Variants in C2CD3 observed in about 807,000 individuals in gnomAD.
C2CD3 encodes the protein C2 domain containing 3 centriole elongation regulator.
In C2CD3, 148 loss-of-function variants were observed where a neutral mutation model predicts 234.0. The ratio of observed to expected loss-of-function variants is 0.63; its 90% CI spans 0.55 to 0.72. The LOEUF is 0.72. Ranked by LOEUF, C2CD3 falls within the 30% of genes least tolerant of loss-of-function variation. The pLI, the probability that C2CD3 is intolerant of heterozygous loss-of-function variation, is 0.00. For missense variants in C2CD3, 2,577 were observed against 2,811.5 expected (o/e 0.92, Z 1.89); for synonymous variants, 1,000 against 1,035.4 (o/e 0.97, Z 0.66).
At chr11:74,128,460 A>G (rs1032120139) in intron 7 of C2CD3, 1 of 152,164 alleles carries the variant, frequency 6.6e-6, no homozygotes, top group African/African-American at 2.4e-5. Flanking sequence ...CCCAAATTCA[A>G]GGTCACAGAT....
At chr11:74,154,250 AGATC>A (rs1022597067) in intron 3 of C2CD3, among the ~76,000 whole-genome samples, 1 of 152,112 alleles carries the variant, frequency 6.6e-6, no homozygotes, top group African/African-American at 2.4e-5. Context: ...AATAAAGGTA[AGATC>A]GATAAACCTG....
chr11:74,117,119 T>C lies in C2CD3; in HGVS notation c.1520+1109A>G, dbSNP rs991829736. ...ATATATGAATATATATATATGAATA[T>C]ATATATATGAATATATATATATGAA... On this transcript the variant is annotated intron_variant, in intron 9 of 32. Coordinates refer to ENST00000334126, the MANE Select transcript of C2CD3 (RefSeq NM_001286577.2). Among the ~76,000 whole-genome samples the C allele has an allele frequency of 5.5e-3, 296 of 53,862 alleles. 2 individuals carry two copies. Among genetic ancestry groups the C allele is most frequent in the Middle Eastern group, 0.014 (1 of 72 alleles). The allele number at this position is 53,862 out of a possible 152,430, so 35.3% of individuals were successfully genotyped here.
chr11:74,099,173 C>T (rs117840304), intron 15 of C2CD3, among the ~76,000 whole-genome samples: 33 of 152,326 alleles, frequency 2.2e-4, no homozygotes, highest in Non-Finnish European at 4.0e-4. Context: ...CAGCCTACAG[C>T]AGACAGTGGC....
intron 3 of C2CD3, among the ~76,000 whole-genome samples, chr11:74,156,133 G>T (rs768726688): frequency 3.3e-5 from 5 of 152,094 alleles, no homozygotes; most frequent in Non-Finnish European, 7.4e-5. Context: ...AATTAGCTGG[G>T]CATGGTGGTG....
intron 7 of C2CD3, among the ~76,000 whole-genome samples, chr11:74,124,973 G>A (rs992630347): frequency 6.6e-6 from 1 of 152,036 alleles, no homozygotes; most frequent in Admixed American, 6.6e-5. Context: ...CATAAAATAA[G>A]CCTATTCTCA....
chr11:74,102,902 G>C (rs1483282835), intron 14 of C2CD3, among the ~76,000 whole-genome samples: 2 of 152,152 alleles, frequency 1.3e-5, no homozygotes, highest in Admixed American at 6.5e-5. Context: ...AAGAAACAGT[G>C]AGAAACCATG....
At chr11:74,161,647 T>C in intron 2 of C2CD3, 91 bp from the exon 3 acceptor site, 5 of 765,140 alleles carry the variant, frequency 6.5e-6, no homozygotes, top group Non-Finnish European at 1.0e-5. Context: ...CGGAAAAGCT[T>C]TCTAACTTGA....
At chr11:74,154,048 C>T (rs555989155) in intron 3 of C2CD3, among the ~76,000 whole-genome samples, 68 of 151,986 alleles carry the variant, frequency 4.5e-4, no homozygotes, top group African/African-American at 1.6e-3. Flanking sequence ...TTTCACACTA[C>T]AGTATACCCC....
At chr11:74,106,600 G>T in intron 12 of C2CD3, 107 bp from the exon 13 acceptor site, 1 of 1,061,492 alleles carries the variant, frequency 9.4e-7, no homozygotes. Context: ...CATTCAGGAA[G>T]AAAAAAGCTT....
At chr11:74,054,715 T>C (rs1180178612) in intron 25 of C2CD3, 44 bp from the exon 26 acceptor site, 1 of 1,314,984 alleles carries the variant, frequency 7.6e-7, no homozygotes. Flanking sequence ...TATAGGAACT[T>C]TCTGTAGTAT....
At chr11:74,085,967 T>A in intron 20 of C2CD3, 81 bp from the exon 21 acceptor site, 2 of 1,361,730 alleles carry the variant, frequency 1.5e-6, no homozygotes, top group Non-Finnish European at 9.9e-7. Flanking sequence ...ATAACTTCAT[T>A]ACTTCTATGA....
At chr11:74,057,322 G>C (rs1954002586) in intron 25 of C2CD3, 84 bp downstream of exon 25, 4 of 1,419,078 alleles carry the variant, frequency 2.8e-6, no homozygotes, top group African/African-American at 1.4e-5. Context: ...CAAAAATTGT[G>C]TTGGTTATAG....
At chr11:74,088,759 T>C (rs186662103) in intron 20 of C2CD3, among the ~76,000 whole-genome samples, 6 of 152,364 alleles carry the variant, frequency 3.9e-5, no homozygotes, top group Non-Finnish European at 7.3e-5. Flanking sequence ...ACAAGTTTCA[T>C]GCCTCCCTGC....
intron 4 of C2CD3, 64 bp from the exon 5 acceptor site, chr11:74,139,031 TCAGAGA>T: frequency 7.1e-7 from 1 of 1,413,990 alleles, no homozygotes; most frequent in South Asian, 1.3e-5. Flanking sequence ...TTCTATTTTG[TCAGAGA>T]CAGAAAGTAG....
intron 22 of C2CD3, among the ~76,000 whole-genome samples, chr11:74,082,738 C>T (rs1955446515): frequency 1.3e-5 from 2 of 152,106 alleles, no homozygotes; most frequent in African/African-American, 4.8e-5. Flanking sequence ...TTACAAGGGA[C>T]ATGAAGGACC....
intron 9 of C2CD3, among the ~76,000 whole-genome samples, chr11:74,115,154 C>T (rs1315821926): frequency 6.6e-6 from 1 of 150,666 alleles, no homozygotes; most frequent in African/African-American, 2.4e-5. Context: ...ATCTATGCTC[C>T]CAGGTAAAAA....
intron 30 of C2CD3, among the ~76,000 whole-genome samples, chr11:74,037,055 G>A (rs1412720824): frequency 1.3e-5 from 2 of 152,066 alleles, no homozygotes; most frequent in Non-Finnish European, 2.9e-5. Flanking sequence ...CAGACTTCTG[G>A]GCTTTCATAA....
At chr11:74,085,467 C>T (rs1453147786) in intron 21 of C2CD3, 151 bp downstream of exon 21, 2 of 722,790 alleles carry the variant, frequency 2.8e-6, no homozygotes, top group East Asian at 2.7e-5. Flanking sequence ...TAGTACATAT[C>T]CTTATTTTTT....
chr11:74,133,477 A>T lies in C2CD3; in HGVS notation c.1036T>A (p.Leu346Met). The change falls in exon 6 of 33, where the codon TTG (leucine) becomes ATG (methionine). Residue 346 changes from leucine to methionine, a missense_variant. Transcript: ENST00000334126. ...MKSSPETSMLLDQVHPPINED... is the reference protein window; with the variant it reads ...MKSSPETSMLMDQVHPPINED... ...TTAATAGGAGGATGAACTTGGTCCAACAACATGCTGGTCTCTGGGCTTGAT... is the reference window on the plus strand; with the variant it reads ...TTAATAGGAGGATGAACTTGGTCCATCAACATGCTGGTCTCTGGGCTTGAT... 1.2e-6 allele frequency: 2 copies of T among 1,613,972 alleles called. No homozygotes were observed. The highest frequency in any genetic ancestry group is 1.7e-6 in the Non-Finnish European group (2 of 1,179,842).
Sources: allele counts gnomAD v4.1 joint callset (sites outside exome capture counted in the v4.1 genomes callset), GRCh38; gene constraint gnomAD v4.1.1; transcripts MANE v1.5; gene names NCBI Gene and HGNC (gene_info 2026-07-23, HGNC 2026-07-21).